The following PLA2G4C variants were observed in gnomAD, a reference collection of about 807,000 sequenced individuals.
The protein encoded by PLA2G4C is cytosolic phospholipase A2 gamma.
A neutral mutation model predicts 73.8 loss-of-function variants in PLA2G4C; 64 were observed. That is an observed-to-expected ratio of 0.87 (90% CI 0.71 to 1.07). The LOEUF (loss-of-function observed/expected upper bound fraction) is 1.07, where lower values mean the gene tolerates loss of function less well. Ranked by LOEUF, PLA2G4C falls within the 50% of genes least tolerant of loss-of-function variation. The pLI is 0.00. For missense variants in PLA2G4C, 622 were observed against 665.4 expected (o/e 0.93, Z 0.72); for synonymous variants, 254 against 252.1 (o/e 1.01, Z -0.07).
chr19:48,059,482 T>C, intron 14 of PLA2G4C, among the ~76,000 whole-genome samples: 1 of 152,006 alleles, frequency 6.6e-6, no homozygotes, highest in East Asian at 1.9e-4. Flanking sequence ...GAGATGAACA[T>C]TTGAGTCAGT....
chr19:48,070,214 G>A (rs1161506921), intron 12 of PLA2G4C, among the ~76,000 whole-genome samples: 2 of 152,174 alleles, frequency 1.3e-5, no homozygotes, highest in African/African-American at 4.8e-5. Context: ...ATGTCAACTA[G>A]GCTGGGCCAC....
At position 48,089,966 on chromosome 19, in the gene PLA2G4C, G is replaced by A. The variant is rs11564550; in HGVS notation, c.763+398C>T. 9.9e-4 allele frequency among the ~76,000 whole-genome samples: 151 copies of A among 152,266 alleles called. 1 individual carries two copies. Among genetic ancestry groups the A allele is most frequent in the South Asian group, 5.4e-3 (26 of 4,826 alleles). ...TTAAAGGGGTTAAATGTTAAATGAG[G>A]GACCAGGTAATGATTGCTAATGTTT... On this transcript the variant is annotated intron_variant, in intron 8 of 16. Transcript: ENST00000599921.
chr19:48,103,988 C>G (rs2032041775), intron 4 of PLA2G4C: 1 of 152,258 alleles, frequency 6.6e-6, no homozygotes, highest in African/African-American at 2.4e-5. Flanking sequence ...AATGCAGCCT[C>G]AGCCTCCCAG....
intron 13 of PLA2G4C, chr19:48,064,989 A>G (rs1217593473): frequency 5.9e-5 from 9 of 152,174 alleles, no homozygotes; most frequent in Admixed American, 5.9e-4. Flanking sequence ...GCAGACTAAG[A>G]CAGTACCTCT....
At chr19:48,105,594 A>G in intron 2 of PLA2G4C, 150 bp from the exon 3 acceptor site, 1 of 617,904 alleles carries the variant, frequency 1.6e-6, no homozygotes, top group South Asian at 2.0e-5. Context: ...ATATTCTGAA[A>G]CTAGATAGAG....
chr19:48,058,577 G>C (rs904527109), intron 14 of PLA2G4C, among the ~76,000 whole-genome samples: 3 of 152,092 alleles, frequency 2.0e-5, no homozygotes, highest in Non-Finnish European at 2.9e-5. Context: ...CAGCACTTTG[G>C]AAGGCTGAGG....
rs756436667 is a variant in PLA2G4C at position 48,110,562 on chromosome 19, C to CCGGAATCCGGTGCGGAGGCTTGGGCTG, written c.-109_-108insCAGCCCAAGCCTCCGCACCGGATTCCG. 103 of 1,473,670 alleles carry CCGGAATCCGGTGCGGAGGCTTGGGCTG rather than the reference C, an allele frequency of 7.0e-5. 6 individuals are homozygous for CCGGAATCCGGTGCGGAGGCTTGGGCTG. Among genetic ancestry groups the CCGGAATCCGGTGCGGAGGCTTGGGCTG allele is most frequent in the Non-Finnish European group, 8.6e-5 (95 of 1,107,326 alleles). The allele number at this position is 1,473,670 out of a possible 1,614,324, so 91.3% of individuals were successfully genotyped here. On this transcript the variant is annotated 5_prime_UTR_variant, in exon 1 of 17. Transcript: ENST00000599921. ...GGAATCCGGTGCGGAGGCTTGGGCT[C>CCGGAATCCGGTGCGGAGGCTTGGGCTG]CCTGCGCTTAGCGGTGTAGTCGCTG...
In PLA2G4C at chr19:48,109,798, C is replaced by T. The variant is rs908744754; in HGVS notation, c.-33+689G>A. ...CGGAGTAGCTGGGACTACAGGCGCC[C>T]GCCACCACGCCCAGCTAATTTTTTG... On this transcript the variant is annotated intron_variant, in intron 1 of 16. Coordinates refer to ENST00000599921, the MANE Select transcript of PLA2G4C (RefSeq NM_003706.3). Among the ~76,000 whole-genome samples the T allele has an allele frequency of 1.3e-4, 20 of 152,088 alleles. No individual in the cohort carries two copies. In the South Asian group the frequency reaches 4.2e-3, roughly 32 times the overall value.
Position 48,072,936 on chromosome 19 carries a change from G to C in PLA2G4C, c.1006+1831C>G, listed in dbSNP as rs1473976045. On this transcript the variant is annotated intron_variant, in intron 12 of 16. Coordinates refer to ENST00000599921, the MANE Select transcript of PLA2G4C (RefSeq NM_003706.3). This position sits in a 1 kb window ranked among gnomAD's most constrained non-coding sequence, Gnocchi z 4.4. ...GTACCTGGGTCATCTCAGGAAGGCA[G>C]TGGCTTCAGCGACCAACTGTCTTCA... The C allele has an allele frequency of 3.9e-5, 6 of 152,234 alleles. No homozygotes were observed. Among genetic ancestry groups the C allele is most frequent in the African/African-American group, 1.4e-4 (6 of 41,434 alleles). The allele number at this position is 152,234 out of a possible 1,614,324, so 9.4% of individuals were successfully genotyped here. A position where few individuals can be genotyped will look rare whatever the true frequency, so the allele number is the denominator to read the frequency against.
chr19:48,073,445 G>A (rs1057054808), intron 12 of PLA2G4C, among the ~76,000 whole-genome samples: 1 of 151,904 alleles, frequency 6.6e-6, no homozygotes, highest in Non-Finnish European at 1.5e-5. Context: ...GAGTCCTCCA[G>A]GCAGGCACTT....
At position 48,104,618 on chromosome 19, in the gene PLA2G4C, G is replaced by A. The variant is rs181055047; in HGVS notation, c.227C>T (p.Thr76Met). 3.2e-4 allele frequency: 519 copies of A among 1,614,120 alleles called. 3 individuals are homozygous for A. Among genetic ancestry groups the A allele is most frequent in the Middle Eastern group, 3.3e-4 (2 of 6,062 alleles). ...MKEQGLLDAV[T>M]YLAGVSGSTW... ...GGATCCAGAGACCCCTGCGAGGTAC[G>A]TGACGGCATCCAACAGGCCCTGTTC... The change falls in exon 4 of 17, where the codon ACG (threonine) becomes ATG (methionine). Residue 76 changes from threonine to methionine, a missense_variant. Physicochemically the swap from Thr to Met is moderately conservative, Grantham distance 81. Coordinates refer to ENST00000599921, the MANE Select transcript of PLA2G4C (RefSeq NM_003706.3).
At chr19:48,109,439 AT>A (rs2032379447) in intron 1 of PLA2G4C, among the ~76,000 whole-genome samples, 1 of 151,466 alleles carries the variant, frequency 6.6e-6, no homozygotes, top group Non-Finnish European at 1.5e-5. Flanking sequence ...CTCCAGCTAA[AT>A]TTTTTATGTT....
chr19:48,065,615 ATAAT>A (rs1968385831), intron 13 of PLA2G4C, among the ~76,000 whole-genome samples: 1 of 151,784 alleles, frequency 6.6e-6, no homozygotes, highest in African/African-American at 2.4e-5. Context: ...ATAAATAAAA[ATAAT>A]TAATAAATAA....
At position 48,099,856 on chromosome 19, in the gene PLA2G4C, T is replaced by A; in HGVS notation, c.262A>T (p.Ile88Leu). The A allele has an allele frequency of 6.2e-7, 1 of 1,611,012 alleles. No individual in the cohort carries two copies. The highest frequency in any genetic ancestry group is 1.1e-5 in the South Asian group (1 of 90,890). Residue 88 changes from isoleucine (I) to leucine (L), a missense_variant, in exon 5 of 17, where the codon ATA becomes TTA. By Grantham distance (5) the Ile-to-Leu change is conservative (BLOSUM62 2). Coordinates refer to ENST00000599921, the MANE Select transcript of PLA2G4C (RefSeq NM_003706.3). The stretch of plus-strand genomic sequence containing the variant: ...CCATCATTGGTGTAGAGAGAAGATA[T>A]TGCCCTGGAGGACAGAGGAAGAGAG... ...LAGVSGSTWA[I>L]SSLYTNDGDM...
At chr19:48,098,384 G>A (rs2031717270) in intron 5 of PLA2G4C, 125 bp from the exon 6 acceptor site, 2 of 843,942 alleles carry the variant, frequency 2.4e-6, no homozygotes, top group South Asian at 2.0e-5. Flanking sequence ...GGAGTGCAGT[G>A]GTACAATAAT....
At position 48,095,541 on chromosome 19, in the gene PLA2G4C, A is replaced by G. The variant is rs2031521590; in HGVS notation, c.632T>C (p.Ile211Thr). 6.2e-7 allele frequency: 1 copy of G among 1,614,050 alleles called. No individual in the cohort carries two copies. Among genetic ancestry groups the G allele is most frequent in the Non-Finnish European group, 8.5e-7 (1 of 1,179,942 alleles). ...GFSALGAFVS[I>T]THFGSKFKKG... is the part of the protein sequence containing the mutation. ...CTTGAATTTGCTTCCGAAGTGGGTT[A>G]TGGAAACAAAGGCCCCCAGTGCAGA... is the stretch of plus-strand genomic sequence containing the variant. Residue 211 changes from isoleucine (I) to threonine (T), a missense_variant, in exon 7 of 17, where the codon ATA (isoleucine) becomes ACA (threonine). Transcript: ENST00000599921.
chr19:48,067,324 T>C (rs1452518361), intron 13 of PLA2G4C, among the ~76,000 whole-genome samples: 1 of 151,890 alleles, frequency 6.6e-6, no homozygotes, highest in African/African-American at 2.4e-5. Context: ...CCCGCCACCC[T>C]GTCCGGCTAA....
At chr19:48,090,669 C>T (rs951501193) in intron 7 of PLA2G4C, 8 of 484,234 alleles carry the variant, frequency 1.7e-5, no homozygotes, top group Non-Finnish European at 2.6e-5. Context: ...TGGAGCCAGC[C>T]GGGCACTGTA....
chr19:48,105,920 TCCCTCCCTCCCTCCCTCCCTCCC>T (rs2122151564), intron 2 of PLA2G4C, among the ~76,000 whole-genome samples: 6 of 16,532 alleles, frequency 3.6e-4, no homozygotes, highest in African/African-American at 2.9e-3. Context: ...CCTCCCTCCC[TCCCTCCCTCCCTCCCTCCCTCCC>T]TCCCTTCTTT....
Sources: gnomAD v4.1 joint callset for allele counts (sites outside exome capture counted in the v4.1 genomes callset) on GRCh38, gnomAD v4.1.1 for gene constraint, Gnocchi (gnomAD v3.1) non-coding constraint, MANE v1.5 for transcripts, NCBI Gene and HGNC (gene_info 2026-07-23, HGNC 2026-07-21) for gene names.